UGGT2: variants seen among roughly 807,000 people sequenced by gnomAD.
UGGT2 encodes UDP-glucose:glycoprotein glucosyltransferase 2.
In UGGT2, 180 loss-of-function variants were observed where a neutral mutation model predicts 192.1. That is an observed-to-expected ratio of 0.94 (90% CI 0.83 to 1.06). UGGT2 has a LOEUF of 1.06. Among genes scored for constraint, UGGT2 ranks in the 50% least tolerant of loss-of-function variants. UGGT2 has a pLI of 0.00. For synonymous variants in UGGT2, 580 were observed against 591.0 expected (o/e 0.98, Z 0.27); for missense variants, 1,849 against 1,795.7 (o/e 1.03, Z -0.54).
In UGGT2 at chr13:95,986,466, T is replaced by C. The variant is rs774644981; in HGVS notation, c.932-34A>G. The C allele has an allele frequency of 4.2e-6, 6 of 1,430,488 alleles. No individual in the cohort carries two copies. In the East Asian group the frequency reaches 9.2e-5, roughly 22 times the overall value. 88.6% of individuals were successfully genotyped at this position (1,430,488 alleles called of 1,614,324 possible). On this transcript the variant is annotated intron_variant, in intron 8 of 38. Transcript: ENST00000376747. ...AAAAATATTATTAAGGAATCTAGCA[T>C]AATATTAGACCTTTATAGACATTTC...
rs140078220 is a variant in UGGT2, at chr13:95,837,430, C to G, written c.4285-228G>C. Among the ~76,000 whole-genome samples the G allele has an allele frequency of 3.2e-3, 486 of 152,314 alleles. 3 individuals are homozygous for G. The highest frequency in any genetic ancestry group is 0.011 in the African/African-American group (459 of 41,554). ...CCTACATCTCTCCTAGACTCTACCC[C>G]TGGGAACAAGGATGAAGAAGGAGGC... On this transcript the variant is annotated intron_variant, in intron 36 of 38. Transcript: ENST00000376747.
At chr13:96,006,577 T>C (rs1594557785) in intron 5 of UGGT2, among the ~76,000 whole-genome samples, 2 of 143,652 alleles carry the variant, frequency 1.4e-5, no homozygotes, top group South Asian at 2.1e-4. Flanking sequence ...TGAGCTGAGA[T>C]TGCACCACTG....
intron 25 of UGGT2, 50 bp downstream of exon 25, chr13:95,890,812 A>T: frequency 1.4e-6 from 2 of 1,436,022 alleles, no homozygotes; most frequent in Non-Finnish European, 1.9e-6. Flanking sequence ...GACTTGAAAA[A>T]ATTATGAATT....
chr13:95,951,063 C>A (rs147962778), intron 12 of UGGT2, among the ~76,000 whole-genome samples: 2 of 152,192 alleles, frequency 1.3e-5, no homozygotes, highest in African/African-American at 4.8e-5. Flanking sequence ...TTATTGTGGA[C>A]TGAACTAAGT....
At chr13:95,827,992 C>G (rs1355543558) in intron 38 of UGGT2, among the ~76,000 whole-genome samples, 3 of 152,120 alleles carry the variant, frequency 2.0e-5, no homozygotes, top group Non-Finnish European at 4.4e-5. Flanking sequence ...ACTCTTCGAC[C>G]AATCAATGCT....
At chr13:95,944,253 C>A (rs1050249400) in intron 15 of UGGT2, among the ~76,000 whole-genome samples, 12 of 151,966 alleles carry the variant, frequency 7.9e-5, no homozygotes, top group Admixed American at 7.9e-4. Context: ...ATATTAGATT[C>A]ATAGACTAAT....
chr13:95,882,211 C>G (rs2047515676), intron 27 of UGGT2, among the ~76,000 whole-genome samples: 1 of 152,102 alleles, frequency 6.6e-6, no homozygotes, highest in Non-Finnish European at 1.5e-5. Flanking sequence ...CCCGGCCTAG[C>G]TTTCTTAATC....
At chr13:95,861,720 T>G (rs1890188286) in intron 31 of UGGT2, among the ~76,000 whole-genome samples, 1 of 152,266 alleles carries the variant, frequency 6.6e-6, no homozygotes. Context: ...ACCATCAAAG[T>G]TATTTTGCAA....
intron 12 of UGGT2, among the ~76,000 whole-genome samples, chr13:95,962,811 C>T (rs1203945351): frequency 1.3e-5 from 2 of 152,174 alleles, no homozygotes; most frequent in African/African-American, 4.8e-5. Flanking sequence ...AAAGGCATAC[C>T]CGAGACCGGG....
intron 38 of UGGT2, among the ~76,000 whole-genome samples, chr13:95,819,836 A>G (rs1885313670): frequency 6.6e-6 from 1 of 152,178 alleles, no homozygotes; most frequent in African/African-American, 2.4e-5. Flanking sequence ...CAGGAGAAAA[A>G]TAAGAGAAAG....
chr13:95,881,377 G>A (rs901298391), intron 27 of UGGT2, among the ~76,000 whole-genome samples: 4 of 152,140 alleles, frequency 2.6e-5, no homozygotes, highest in East Asian at 1.9e-4. Flanking sequence ...TTTTGCAGAA[G>A]AGACAGAACT....
chr13:95,954,290 A>T (rs1055312556), intron 12 of UGGT2, among the ~76,000 whole-genome samples: 1 of 152,174 alleles, frequency 6.6e-6, no homozygotes, highest in Admixed American at 6.5e-5. Context: ...CCCCACAACA[A>T]TCTGAATGGA....
intron 15 of UGGT2, among the ~76,000 whole-genome samples, chr13:95,941,425 G>A (rs543485294): frequency 2.6e-5 from 4 of 152,020 alleles, no homozygotes; most frequent in Admixed American, 6.6e-5. Context: ...TTCATTTTAC[G>A]AGTTTTTCAA....
In UGGT2 at chr13:95,999,484, AT is replaced by A. The variant is rs1195682845; in HGVS notation, c.661-178del. Among the ~76,000 whole-genome samples, 4 of 152,212 alleles carry A rather than the reference AT, an allele frequency of 2.6e-5. No individual in the cohort carries two copies. The East Asian group carries it at 7.7e-4, about 29-fold the overall frequency. On this transcript the variant is annotated intron_variant, in intron 5 of 38. Coordinates refer to ENST00000376747, the MANE Select transcript of UGGT2 (RefSeq NM_020121.4). ...GTCTCTAGTCTATCAAGGAACTAGA[AT>A]TTGGTTAATGACTACTCTGTAAAAA... is the stretch of plus-strand genomic sequence containing the variant.
chr13:96,009,548 G>A (rs528764715), intron 5 of UGGT2, among the ~76,000 whole-genome samples: 124 of 152,288 alleles, frequency 8.1e-4, no homozygotes, highest in Non-Finnish European at 1.5e-3. Context: ...AGTGGCTCAC[G>A]CCTGTAATCC....
chr13:96,024,536 C>G (rs374370157), intron 2 of UGGT2, among the ~76,000 whole-genome samples: 10 of 152,298 alleles, frequency 6.6e-5, no homozygotes, highest in East Asian at 5.8e-4. Flanking sequence ...CTGGGTGTAA[C>G]CATTGACTGC....
intron 37 of UGGT2, among the ~76,000 whole-genome samples, chr13:95,835,697 C>T (rs1887204522): frequency 6.6e-6 from 1 of 151,992 alleles, no homozygotes; most frequent in African/African-American, 2.4e-5. Flanking sequence ...AAACAATTTT[C>T]TACACTTAGC....
intron 10 of UGGT2, among the ~76,000 whole-genome samples, chr13:95,980,627 T>C (rs950952663): frequency 6.6e-6 from 1 of 152,162 alleles, no homozygotes; most frequent in Non-Finnish European, 1.5e-5. Context: ...CTGATCAAAG[T>C]AGATGGTTTG....
chr13:95,960,277 T>C (rs1233082218), intron 12 of UGGT2, among the ~76,000 whole-genome samples: 1 of 152,104 alleles, frequency 6.6e-6, no homozygotes, highest in Non-Finnish European at 1.5e-5. Context: ...AGAAAAACAA[T>C]TCAAAATATT....
Sources: gnomAD v4.1 joint callset for allele counts (sites outside exome capture counted in the v4.1 genomes callset) on GRCh38, gnomAD v4.1.1 for gene constraint, MANE v1.5 for transcripts, NCBI Gene and HGNC (gene_info 2026-07-23, HGNC 2026-07-21) for gene names.